The following MGAM variants were observed in gnomAD, a reference collection of about 807,000 sequenced individuals.
MGAM encodes alpha-1,4-glucosidase.
A neutral mutation model predicts 358.8 loss-of-function variants in MGAM; 253 were observed. That is an observed-to-expected ratio of 0.71 (90% confidence interval 0.64 to 0.78). The LOEUF (loss-of-function observed/expected upper bound fraction) is 0.78, where lower values mean the gene tolerates loss of function less well. Among genes scored for constraint, MGAM ranks in the 30% least tolerant of loss-of-function variants. The pLI, the probability that MGAM is intolerant of heterozygous loss-of-function variation, is 0.00. For missense variants in MGAM, 3,080 were observed against 3,432.6 expected (o/e 0.90, Z 2.57); for synonymous variants, 1,105 against 1,227.1 (o/e 0.90, Z 2.08).
At chr7:141,987,021 G>A (rs1228952353) in intron 2 of MGAM, among the ~76,000 whole-genome samples, 1 of 152,144 alleles carries the variant, frequency 6.6e-6, no homozygotes, top group Admixed American at 6.5e-5. Context: ...GACATTTTTG[G>A]TGGAGATATT....
intron 55 of MGAM, 61 bp downstream of exon 55, chr7:142,086,022 A>C (rs1450825666): frequency 1.3e-6 from 2 of 1,530,536 alleles, no homozygotes; most frequent in South Asian, 1.1e-5. Flanking sequence ...TTGTTGGAGA[A>C]AGTGTTATAC....
At position 142,046,054 on chromosome 7, in the gene MGAM, TATGTA is replaced by T. The variant is rs1224576826; in HGVS notation, c.2499-1728_2499-1724del. 5.7e-5 allele frequency among the ~76,000 whole-genome samples: 8 copies of T among 141,366 alleles called. 1 individual carries two copies. In the East Asian group the frequency reaches 8.2e-4, roughly 15 times the overall value. The allele number at this position is 141,366 out of a possible 152,430, so 92.7% of individuals were successfully genotyped here. A position where few individuals can be genotyped will look rare whatever the true frequency, so the allele number is the denominator to read the frequency against. ...TAATATATATTATATATACATACAA[TATGTA>T]ATATAATATATAATATAGAAATTTA... On this transcript the variant is annotated intron_variant, in intron 21 of 70. Transcript: ENST00000475668.
At chr7:141,995,127 C>A (rs73153945), upstream of MGAM, among the ~76,000 whole-genome samples, 1 of 152,078 alleles carries the variant, frequency 6.6e-6, no homozygotes, top group Non-Finnish European at 1.5e-5. Flanking sequence ...CTTATGAATG[C>A]GCCTTTAAGC....
At chr7:142,013,402 C>G (rs10228285) in intron 3 of MGAM, among the ~76,000 whole-genome samples, 4,014 of 152,250 alleles carry the variant, frequency 0.026, 186 homozygotes, top group African/African-American at 0.091. Flanking sequence ...TGCATTTGTC[C>G]TTGCAACTTT....
chr7:142,100,970 T>C lies in MGAM; in HGVS notation c.7963+80T>C. 3 of 1,254,534 alleles carry C rather than the reference T, an allele frequency of 2.4e-6. No homozygotes were observed. The South Asian group carries it at 4.2e-5, about 18-fold the overall frequency. The allele number at this position is 1,254,534 out of a possible 1,614,324, so 77.7% of individuals were successfully genotyped here. A position where few individuals can be genotyped will look rare whatever the true frequency, so the allele number is the denominator to read the frequency against. On this transcript the variant is annotated intron_variant, in intron 68 of 70. Coordinates refer to ENST00000475668, the MANE Select transcript of MGAM (RefSeq NM_001365693.1). ...TATCTTACAGGCCTGCTTTCACCTT[T>C]TCCCTATTATAACAATTTTGCATTT...
intron 2 of MGAM, among the ~76,000 whole-genome samples, chr7:141,987,316 C>G (rs772314184): frequency 6.6e-5 from 10 of 152,186 alleles, no homozygotes; most frequent in Non-Finnish European, 1.3e-4. Context: ...TTCTGCTACT[C>G]TCTACATGTG....
At chr7:142,000,910 A>C (rs1804682995) in intron 1 of MGAM, among the ~76,000 whole-genome samples, 1 of 152,186 alleles carries the variant, frequency 6.6e-6, no homozygotes, top group Non-Finnish European at 1.5e-5. Flanking sequence ...GTTAATAAAC[A>C]CTTGGAAAAA....
chr7:142,045,402 T>A (rs1043101942), intron 21 of MGAM, among the ~76,000 whole-genome samples: 3,803 of 42,116 alleles, frequency 0.09, 131 homozygotes, highest in Non-Finnish European at 0.17. Context: ...CATGATATAT[T>A]ATATATATTA....
intron 3 of MGAM, among the ~76,000 whole-genome samples, chr7:142,012,033 C>T (rs571352055): frequency 6.6e-6 from 1 of 152,238 alleles, no homozygotes; most frequent in East Asian, 1.9e-4. Flanking sequence ...ATAAAAACAG[C>T]TAGAGAACAT....
intron 26 of MGAM, among the ~76,000 whole-genome samples, chr7:142,054,233 C>T (rs985370252): frequency 5.3e-5 from 8 of 152,180 alleles, no homozygotes; most frequent in African/African-American, 9.7e-5. Context: ...ACTTCTTATT[C>T]GCATGTGAAT....
chr7:142,068,489 G>T (rs1477732640), intron 42 of MGAM, among the ~76,000 whole-genome samples, 158 bp from the exon 43 acceptor site: 1 of 145,702 alleles, frequency 6.9e-6, no homozygotes, highest in African/African-American at 2.4e-5. Context: ...GTTTAAAAAA[G>T]AAAACAGGAA....
In MGAM at chr7:142,068,337, G is replaced by C. The variant is rs1413215475; in HGVS notation, c.5005-310G>C. Among the ~76,000 whole-genome samples the C allele has an allele frequency of 3.5e-5, 5 of 143,370 alleles. No homozygotes were observed. In the Admixed American group the frequency reaches 3.6e-4, roughly 10 times the overall value. The allele number at this position is 143,370 out of a possible 152,430, so 94.1% of individuals were successfully genotyped here. The stretch of plus-strand genomic sequence containing the variant: ...ACCCACAAAATTTTCTTCTGCCCCA[G>C]ACACAACCTCCCTTGTTTGTCTCTT... On this transcript the variant is annotated intron_variant, in intron 42 of 70. Coordinates refer to ENST00000475668, the MANE Select transcript of MGAM (RefSeq NM_001365693.1).
intron 21 of MGAM, among the ~76,000 whole-genome samples, chr7:142,047,397 G>A (rs1810494186): frequency 6.6e-6 from 1 of 152,108 alleles, no homozygotes; most frequent in Non-Finnish European, 1.5e-5. Context: ...CTTCCTCACA[G>A]CACTGGACAC....
At position 142,093,575 on chromosome 7, in the gene MGAM, G is replaced by T. The variant is rs757723400; in HGVS notation, c.7172+25G>T. ...AGTGAGTCTCTGTCTCCCTTCTCCAGCTGTCACAACCTGTAGGGATTGCCA... is the reference window on the plus strand; with the variant it reads ...AGTGAGTCTCTGTCTCCCTTCTCCATCTGTCACAACCTGTAGGGATTGCCA... On this transcript the variant is annotated intron_variant, in intron 60 of 70. Transcript: ENST00000475668. The T allele has an allele frequency of 7.4e-6, 11 of 1,491,534 alleles. No homozygotes were observed. In the South Asian group the frequency reaches 9.7e-5, roughly 13 times the overall value. The allele number at this position is 1,491,534 out of a possible 1,614,324, so 92.4% of individuals were successfully genotyped here.
rs745802453 is a variant in MGAM, at chr7:142,082,191, C to T, written c.6152C>T (p.Ser2051Phe). The T allele has an allele frequency of 3.9e-6, 6 of 1,554,722 alleles. 1 individual carries two copies. The Admixed American group carries it at 6.8e-5, about 18-fold the overall frequency. Residue 2051 changes from serine (S) to phenylalanine (F), a missense_variant, in exon 51 of 71, where the codon TCC (serine) becomes TTC (phenylalanine). Coordinates refer to ENST00000475668, the MANE Select transcript of MGAM (RefSeq NM_001365693.1). ...DLEWHTWGMFSRDQPPGYKKN... is the reference protein window; with the variant it reads ...DLEWHTWGMFFRDQPPGYKKN... The stretch of plus-strand genomic sequence containing the variant: ...GAGTGGCACACTTGGGGGATGTTCT[C>T]CCGAGACCAGCCCCCAGGGGTAAGG...
At position 142,029,062 on chromosome 7, in the gene MGAM, A is replaced by G. The variant is rs1279891671; in HGVS notation, c.1222-1300A>G. ...TCAGCAACTCCATTTTACTATTAGA[A>G]TTCCATTGGCTGGGCACAGTGGCTC... On this transcript the variant is annotated intron_variant, in intron 10 of 70. Coordinates refer to ENST00000475668, the MANE Select transcript of MGAM (RefSeq NM_001365693.1). Among the ~76,000 whole-genome samples, 3 of 152,056 alleles carry G rather than the reference A, an allele frequency of 2.0e-5. No individual in the cohort carries two copies. The East Asian group carries it at 5.8e-4, about 29-fold the overall frequency.
intron 2 of MGAM, among the ~76,000 whole-genome samples, chr7:141,987,270 T>C (rs1803751959): frequency 6.6e-6 from 1 of 152,210 alleles, no homozygotes. Flanking sequence ...GCAGTTAATC[T>C]CTCTGCTTTT....
chr7:142,020,123 G>A (rs1806304476), intron 4 of MGAM, among the ~76,000 whole-genome samples: 1 of 151,814 alleles, frequency 6.6e-6, no homozygotes, highest in South Asian at 2.1e-4. Flanking sequence ...CCATTCTAGG[G>A]GATAGCAGAA....
intron 4 of MGAM, 69 bp from the exon 5 acceptor site, chr7:142,020,905 T>G: frequency 8.8e-7 from 1 of 1,137,012 alleles, no homozygotes; most frequent in Admixed American, 1.9e-5. Flanking sequence ...TGTATCATAA[T>G]TTTTATGTAG....
Sources: gnomAD v4.1 joint callset for allele counts (sites outside exome capture counted in the v4.1 genomes callset) on GRCh38, gnomAD v4.1.1 for gene constraint, MANE v1.5 for transcripts, NCBI Gene and HGNC (gene_info 2026-07-23, HGNC 2026-07-21) for gene names.